Variants in GREB1 observed in about 807,000 individuals in gnomAD.
GREB1 encodes the protein protein GREB1.
GREB1 carries 106 observed loss-of-function variants against 200.7 expected under a neutral mutation model. The ratio of observed to expected loss-of-function variants is 0.53; its 90% CI spans 0.45 to 0.62. The LOEUF (loss-of-function observed/expected upper bound fraction) is 0.62. GREB1 is among the 20% of genes least tolerant of loss of function. The pLI, the probability that GREB1 is intolerant of heterozygous loss-of-function variation, is 0.00. For synonymous variants in GREB1, 1,132 were observed against 1,092.4 expected, an observed-to-expected ratio of 1.04 and a Z score of -0.72; for missense variants, 2,243 against 2,556.8, an observed-to-expected ratio of 0.88 and a Z score of 2.65.
At chr2:11,572,481 CAAG>C (rs1678410992) in intron 4 of GREB1, among the ~76,000 whole-genome samples, 1 of 152,128 alleles carries the variant, frequency 6.6e-6, no homozygotes, top group African/African-American at 2.4e-5. Flanking sequence ...TGGATGCTTC[CAAG>C]AAGAATCATG....
intron 1 of GREB1, among the ~76,000 whole-genome samples, chr2:11,500,573 T>G (rs1312318475): frequency 6.6e-6 from 1 of 152,142 alleles, no homozygotes; most frequent in Non-Finnish European, 1.5e-5. Context: ...CAGCTGGGAT[T>G]ACATGCATGA....
chr2:11,603,472 C>T (rs565345643), intron 17 of GREB1, among the ~76,000 whole-genome samples: 3 of 152,302 alleles, frequency 2.0e-5, no homozygotes, highest in Admixed American at 1.3e-4. Context: ...GTCTGAGAAA[C>T]ATTTAAGGAA....
chr2:11,612,247 C>A, intron 18 of GREB1: 2 of 978,416 alleles, frequency 2.0e-6, no homozygotes, highest in Non-Finnish European at 2.6e-6. Flanking sequence ...CTTCCTTTCA[C>A]GGAGCTGGTC....
At chr2:11,636,577 A>G (rs1174999079) in intron 30 of GREB1, among the ~76,000 whole-genome samples, 1 of 152,228 alleles carries the variant, frequency 6.6e-6, no homozygotes, top group African/African-American at 2.4e-5. Context: ...CAGATGTTAG[A>G]CACATGGCTA....
chr2:11,637,710 G>A lies in GREB1; in HGVS notation c.5347-6G>A, dbSNP rs190386636. On this transcript the variant is annotated splice_polypyrimidine_tract_variant and splice_region_variant and intron_variant, in intron 30 of 32. Transcript: ENST00000381486. ...GTAGTGGCCTGACACCCCCCTTCCC[G>A]TGCAGGTGTCTGATAACTCTGCCGC... 216 of 1,612,042 alleles carry A rather than the reference G, an allele frequency of 1.3e-4. 1 individual carries two copies. In the African/African-American group the frequency reaches 2.6e-3, roughly 19 times the overall value.
intron 1 of GREB1, among the ~76,000 whole-genome samples, chr2:11,535,548 G>A (rs1173341305): frequency 1.4e-5 from 2 of 140,434 alleles, no homozygotes; most frequent in South Asian, 2.4e-4. Context: ...TACTCTTCGA[G>A]TTTCCAGTGC....
intron 1 of GREB1, among the ~76,000 whole-genome samples, chr2:11,507,788 C>T: frequency 6.6e-6 from 1 of 152,174 alleles, no homozygotes; most frequent in Non-Finnish European, 1.5e-5. Flanking sequence ...CTGGTCCCGA[C>T]TCTACCATGG....
chr2:11,550,265 T>C (rs531649654), intron 1 of GREB1, among the ~76,000 whole-genome samples: 2 of 152,292 alleles, frequency 1.3e-5, no homozygotes, highest in East Asian at 3.9e-4. Flanking sequence ...GCTGGTTGAC[T>C]GCTGGGCCTC....
intron 15 of GREB1, among the ~76,000 whole-genome samples, chr2:11,599,429 T>A: frequency 6.7e-6 from 1 of 149,822 alleles, no homozygotes; most frequent in Non-Finnish European, 1.5e-5. Flanking sequence ...AGGCTCAGCC[T>A]CCTGGGTTCA....
At chr2:11,610,641 C>T (rs376059859) in intron 17 of GREB1, 47 bp from the exon 18 acceptor site, 654 of 1,431,402 alleles carry the variant, frequency 4.6e-4, no homozygotes, top group Non-Finnish European at 5.6e-4. Flanking sequence ...AGCAGCAGGC[C>T]GGTGGGCGCG....
At chr2:11,549,768 T>A (rs1022535588) in intron 1 of GREB1, among the ~76,000 whole-genome samples, 1 of 152,256 alleles carries the variant, frequency 6.6e-6, no homozygotes, top group Non-Finnish European at 1.5e-5. Flanking sequence ...TCTGAAGATA[T>A]TAACTGTGGC....
chr2:11,575,744 AT>A lies in GREB1; in HGVS notation c.455-608del, dbSNP rs1678781410. Among the ~76,000 whole-genome samples the A allele has an allele frequency of 3.9e-5, 6 of 152,316 alleles. No homozygotes were observed. The South Asian group carries it at 1.0e-3, about 26-fold the overall frequency. On this transcript the variant is annotated intron_variant, in intron 4 of 32. Transcript: ENST00000381486. ...CTTAGGAGGTCTCCCAGTGTAGCCC[AT>A]CTCACTAGTCACATTGCTTTGAGAG...
Position 11,610,894 on chromosome 2 carries a change from C to T in GREB1, c.2873C>T (p.Pro958Leu). 3 of 1,613,030 alleles carry T rather than the reference C, an allele frequency of 1.9e-6. No homozygotes were observed. The highest frequency in any genetic ancestry group is 2.5e-6 in the Non-Finnish European group (3 of 1,179,790). ...LMVLLRVPCS[P>L]LAVVAYERLA... ...GTCCTGCTGCGGGTGCCCTGTTCGC[C>T]CCTGGCGGTGGTGGCCTATGAGCGG... Residue 958 changes from proline (P) to leucine (L), a missense_variant, in exon 18 of 33, where the codon CCC becomes CTC. By Grantham distance (98) the Pro-to-Leu change is moderately conservative. Around this residue, in one of 3 missense-constraint regions of GREB1, gnomAD observed 1,178 missense variants for 1,387.4 expected, o/e 0.85. Transcript: ENST00000381486.
At chr2:11,582,142 C>T (rs1248567394) in intron 7 of GREB1, among the ~76,000 whole-genome samples, 4 of 152,214 alleles carry the variant, frequency 2.6e-5, no homozygotes, top group East Asian at 1.9e-4. Flanking sequence ...CACGCTGCTG[C>T]GGCCTCCCTT....
At chr2:11,556,861 T>C in intron 2 of GREB1, 90 bp downstream of exon 2, 4 of 938,938 alleles carry the variant, frequency 4.3e-6, no homozygotes, top group Non-Finnish European at 6.0e-6. Flanking sequence ...TTTCTTTATG[T>C]AGATAACGTT....
At position 11,618,529 on chromosome 2, in the gene GREB1, G is replaced by C. The variant is rs370883365; in HGVS notation, c.3654G>C (p.Ser1218=). 8 of 1,612,194 alleles carry C rather than the reference G, an allele frequency of 5.0e-6. No individual in the cohort carries two copies. In the Admixed American group the frequency reaches 1.3e-4, roughly 27 times the overall value. Residue 1218 remains serine (S), a synonymous_variant, in exon 22 of 33, where the codon TCG becomes TCC. Transcript: ENST00000381486. ...QRSVQVSVTS[S]CSQLSSSSGS... ...GCGTCCAGGTGTCGGTCACCTCGTCGTGCTCCCAGCTGTCCTCCTCCTCGG... is the reference window on the plus strand; with the variant it reads ...GCGTCCAGGTGTCGGTCACCTCGTCCTGCTCCCAGCTGTCCTCCTCCTCGG...
intron 1 of GREB1, among the ~76,000 whole-genome samples, chr2:11,495,715 A>G (rs2148413727): frequency 6.6e-6 from 1 of 152,102 alleles, no homozygotes. Flanking sequence ...GAGTTTGGAC[A>G]CACACAGTTT....
intron 11 of GREB1, among the ~76,000 whole-genome samples, chr2:11,594,510 A>G (rs1472895411): frequency 6.7e-6 from 1 of 150,196 alleles, no homozygotes; most frequent in African/African-American, 2.5e-5. Context: ...GTGCACCACC[A>G]TGCCCAGGTA....
chr2:11,492,972 G>T lies in GREB1; in HGVS notation c.-159+10591G>T, dbSNP rs1174883757. On this transcript the variant is annotated intron_variant, in intron 1 of 2. Transcript: ENST00000628795. The surrounding 1 kb of genome is among the most constrained non-coding windows in gnomAD (Gnocchi z 4.0). ...AAACAATGGGAGCTGAGGCTCAGCA[G>T]CTGGAGATATCCTGTCAGGAAGCAG... Among the ~76,000 whole-genome samples, 2 of 152,242 alleles carry T rather than the reference G, an allele frequency of 1.3e-5. No individual in the cohort carries two copies. The highest frequency in any genetic ancestry group is 2.4e-5 in the African/African-American group (1 of 41,462).
Sources: gnomAD v4.1 joint callset for allele counts (sites outside exome capture counted in the v4.1 genomes callset) on GRCh38, gnomAD v4.1.1 for gene constraint, gnomAD v4.1.1 regional missense constraint, Gnocchi (gnomAD v3.1) non-coding constraint, MANE v1.5 for transcripts, NCBI Gene and HGNC (gene_info 2026-07-23, HGNC 2026-07-21) for gene names.